PICALM: variants seen among roughly 807,000 people sequenced by gnomAD.
The protein encoded by PICALM is phosphatidylinositol-binding clathrin assembly protein.
Under a neutral mutation model 80.5 loss-of-function variants are expected in PICALM, and 40 were observed. That is an observed-to-expected ratio of 0.50 (90% CI 0.39 to 0.65). PICALM has a LOEUF of 0.65. PICALM is among the 30% of genes least tolerant of loss of function. The pLI is 0.00. For synonymous variants in PICALM, 288 were observed against 260.3 expected (o/e 1.11, Z -1.02); for missense variants, 676 against 778.9 (o/e 0.87, Z 1.57).
At chr11:86,027,928 G>A (rs960363591) in intron 2 of PICALM, among the ~76,000 whole-genome samples, 21 of 151,960 alleles carry the variant, frequency 1.4e-4, no homozygotes, top group African/African-American at 4.6e-4. Flanking sequence ...CTAAAATAGT[G>A]TTTCAAAAAG....
intron 1 of PICALM, among the ~76,000 whole-genome samples, chr11:86,044,799 C>A (rs1282405515): frequency 6.6e-6 from 1 of 152,206 alleles, no homozygotes; most frequent in Non-Finnish European, 1.5e-5. Context: ...CTATTGTGAA[C>A]TGCACATGCA....
chr11:86,024,565 T>G (rs1322070351), intron 3 of PICALM, among the ~76,000 whole-genome samples: 1 of 151,930 alleles, frequency 6.6e-6, no homozygotes, highest in East Asian at 1.9e-4. Flanking sequence ...CTGATCTAAC[T>G]TGACTAAGCT....
At chr11:86,019,640 C>T (rs1170813780) in intron 4 of PICALM, among the ~76,000 whole-genome samples, 1 of 152,116 alleles carries the variant, frequency 6.6e-6, no homozygotes, top group Admixed American at 6.6e-5. Flanking sequence ...AGTTCTCCAC[C>T]ATAATCTTCT....
At chr11:85,989,489 A>C (rs1440223336) in intron 13 of PICALM, among the ~76,000 whole-genome samples, 1 of 152,196 alleles carries the variant, frequency 6.6e-6, no homozygotes, top group Non-Finnish European at 1.5e-5. Flanking sequence ...TGAACTGAAC[A>C]AAAGAAATTT....
intron 14 of PICALM, among the ~76,000 whole-genome samples, chr11:85,983,621 C>G (rs1000659309): frequency 3.3e-5 from 5 of 152,140 alleles, no homozygotes; most frequent in African/African-American, 1.2e-4. Context: ...AGAGCTAAAT[C>G]TCTTTTTCTC....
At chr11:86,037,759 AG>A (rs1233762532) in intron 1 of PICALM, among the ~76,000 whole-genome samples, 6 of 152,198 alleles carry the variant, frequency 3.9e-5, no homozygotes, top group Non-Finnish European at 8.8e-5. Context: ...CCCAAATACA[AG>A]GTGATGCATA....
At chr11:85,966,223 C>A (rs549156717) in intron 19 of PICALM, among the ~76,000 whole-genome samples, 11 of 150,114 alleles carry the variant, frequency 7.3e-5, no homozygotes, top group African/African-American at 2.5e-4. Context: ...TTTCCCCCCC[C>A]AAAGACAGGG....
At chr11:86,029,615 T>C (rs1315964827) in intron 2 of PICALM, among the ~76,000 whole-genome samples, 1 of 152,236 alleles carries the variant, frequency 6.6e-6, no homozygotes, top group East Asian at 1.9e-4. Context: ...AATTACCTTA[T>C]TTACAGCCTC....
intron 9 of PICALM, among the ~76,000 whole-genome samples, chr11:86,001,527 G>A (rs1411940465): frequency 3.9e-5 from 6 of 152,168 alleles, no homozygotes; most frequent in Non-Finnish European, 7.4e-5. Flanking sequence ...GTTTATCACA[G>A]GGAAAACCCT....
chr11:85,972,717 C>G (rs554082623), intron 19 of PICALM, among the ~76,000 whole-genome samples: 3 of 152,214 alleles, frequency 2.0e-5, no homozygotes, highest in African/African-American at 7.2e-5. Flanking sequence ...TACTTAAATA[C>G]ATTTAGGTTT....
chr11:85,971,936 C>G (rs1311201283), intron 19 of PICALM, among the ~76,000 whole-genome samples: 1 of 152,040 alleles, frequency 6.6e-6, no homozygotes, highest in Non-Finnish European at 1.5e-5. Context: ...ACATGCACCA[C>G]CAAGCCCAGC....
chr11:85,985,000 C>T (rs2094536625), intron 13 of PICALM, among the ~76,000 whole-genome samples: 1 of 152,118 alleles, frequency 6.6e-6, no homozygotes, highest in South Asian at 2.1e-4. Flanking sequence ...CATAAGGCTC[C>T]TAAGGTCTCT....
At chr11:86,005,115 G>C (rs1423110059) in intron 8 of PICALM, among the ~76,000 whole-genome samples, 1 of 152,178 alleles carries the variant, frequency 6.6e-6, no homozygotes, top group East Asian at 1.9e-4. Context: ...AACAACCTGA[G>C]ACAGTGAAGA....
intron 18 of PICALM, 43 bp from the exon 19 acceptor site, chr11:85,974,855 C>T (rs1002972422): frequency 1.1e-5 from 14 of 1,287,158 alleles, no homozygotes; most frequent in East Asian, 2.3e-5. Context: ...CTCCTATCTT[C>T]CTTATTGTGA....
intron 2 of PICALM, among the ~76,000 whole-genome samples, chr11:86,027,094 T>C (rs1444586484): frequency 6.6e-6 from 1 of 152,262 alleles, no homozygotes; most frequent in East Asian, 1.9e-4. Flanking sequence ...TCATCTTAAA[T>C]GATGTTCTAA....
In PICALM at chr11:86,042,388, A is replaced by G. The variant is rs947500259; in HGVS notation, c.131-10777T>C. Among the ~76,000 whole-genome samples, 8 of 152,178 alleles carry G rather than the reference A, an allele frequency of 5.3e-5. No individual in the cohort carries two copies. The South Asian group carries it at 1.4e-3, about 28-fold the overall frequency. ...ATGGAATAAAAACTCATCACTTAAT[A>G]TAAGAATTAAAAATTTTATTTAAAC... On this transcript the variant is annotated intron_variant, in intron 1 of 19. Coordinates refer to ENST00000393346, the MANE Select transcript of PICALM (RefSeq NM_007166.4).
intron 5 of PICALM, among the ~76,000 whole-genome samples, chr11:86,014,484 C>G (rs2095448677): frequency 6.6e-6 from 1 of 152,168 alleles, no homozygotes; most frequent in South Asian, 2.1e-4. Flanking sequence ...TAAACTTCTT[C>G]TTCTGAATAA....
At chr11:85,976,552 A>C in intron 18 of PICALM, 71 bp downstream of exon 18, 1 of 945,576 alleles carries the variant, frequency 1.1e-6, no homozygotes, top group Admixed American at 1.7e-5. Context: ...TTTTTAGGTT[A>C]AATTGTAATA....
At chr11:86,024,426 A>C (rs2095616748) in intron 3 of PICALM, among the ~76,000 whole-genome samples, 1 of 143,504 alleles carries the variant, frequency 7.0e-6, no homozygotes. Flanking sequence ...TTAAAAAAAA[A>C]AAAAAATTCC....
Sources: gnomAD v4.1 joint callset for allele counts (sites outside exome capture counted in the v4.1 genomes callset) on GRCh38, gnomAD v4.1.1 for gene constraint, MANE v1.5 for transcripts, NCBI Gene and HGNC (gene_info 2026-07-23, HGNC 2026-07-21) for gene names.